Variants in CHN1 observed in about 807,000 individuals in gnomAD.
The protein encoded by CHN1 is chimerin 1.
A neutral mutation model predicts 59.5 loss-of-function variants in CHN1; 37 were observed. The ratio of observed to expected loss-of-function variants is 0.62; its 90% CI spans 0.48 to 0.82. The LOEUF (loss-of-function observed/expected upper bound fraction) is 0.82. Ranked by LOEUF, CHN1 falls within the 40% of genes least tolerant of loss-of-function variation. The pLI, the probability that CHN1 is intolerant of heterozygous loss-of-function variation, is 0.00. For missense variants in CHN1, 469 were observed against 571.0 expected (o/e 0.82, Z 1.82); for synonymous variants, 206 against 200.4 (o/e 1.03, Z -0.24).
intron 3 of CHN1, among the ~76,000 whole-genome samples, chr2:174,937,522 A>G (rs1689533794): frequency 6.6e-6 from 1 of 152,180 alleles, no homozygotes; most frequent in Non-Finnish European, 1.5e-5. Context: ...CACCTTATCA[A>G]TTGTATTAAC....
chr2:174,952,908 A>G (rs775960143), intron 1 of CHN1, among the ~76,000 whole-genome samples: 32 of 152,314 alleles, frequency 2.1e-4, no homozygotes, highest in Non-Finnish European at 3.8e-4. Context: ...CAAACACATG[A>G]CGGACGTGGA....
intron 1 of CHN1, among the ~76,000 whole-genome samples, chr2:174,996,320 A>G (rs1691706053): frequency 6.6e-6 from 1 of 152,220 alleles, no homozygotes; most frequent in Non-Finnish European, 1.5e-5. Flanking sequence ...CCACACACAC[A>G]AAGTAGAAAT....
At chr2:174,965,923 A>T (rs1218428315) in intron 1 of CHN1, among the ~76,000 whole-genome samples, 1 of 152,230 alleles carries the variant, frequency 6.6e-6, no homozygotes, top group Non-Finnish European at 1.5e-5. Flanking sequence ...TATGTGAAAG[A>T]GTCACAAAGA....
intron 11 of CHN1, among the ~76,000 whole-genome samples, chr2:174,802,812 G>A (rs770325713): frequency 3.1e-4 from 47 of 152,270 alleles, no homozygotes; most frequent in Non-Finnish European, 5.4e-4. Context: ...GGCCGAGGGG[G>A]GTGGGTCATG....
chr2:174,991,071 G>A (rs1450507316), intron 1 of CHN1, among the ~76,000 whole-genome samples: 1 of 152,158 alleles, frequency 6.6e-6, no homozygotes, highest in Non-Finnish European at 1.5e-5. Flanking sequence ...ATTCCATTCT[G>A]TAAAACAATC....
Position 174,967,803 on chromosome 2 carries a change from C to T in CHN1, c.20-15601G>A, listed in dbSNP as rs115759362. 3.7e-3 allele frequency among the ~76,000 whole-genome samples: 568 copies of T among 152,254 alleles called. 4 individuals carry two copies. Among genetic ancestry groups the T allele is most frequent in the African/African-American group, 0.013 (544 of 41,562 alleles). ...AAGAAAAATTGCAAATGATGTTTTT[C>T]TTCTTGCTATTATTCATTCTTTGGC... On this transcript the variant is annotated intron_variant, in intron 1 of 12. Transcript: ENST00000409900.
chr2:174,915,249 A>G (rs1688813588), intron 4 of CHN1, 78 bp from the exon 5 acceptor site: 8 of 1,034,736 alleles, frequency 7.7e-6, no homozygotes, highest in Non-Finnish European at 1.2e-5. Flanking sequence ...TCCCACCACC[A>G]CCACCTTCTC....
intron 4 of CHN1, 48 bp from the exon 5 acceptor site, chr2:174,915,219 T>A (rs1688812737): frequency 2.2e-6 from 3 of 1,335,974 alleles, no homozygotes; most frequent in Non-Finnish European, 3.2e-6. Flanking sequence ...CATTTTTCAA[T>A]AAAACAAGAT....
chr2:174,979,125 GA>G (rs1390247129), intron 1 of CHN1, among the ~76,000 whole-genome samples: 1 of 152,204 alleles, frequency 6.6e-6, no homozygotes, highest in Non-Finnish European at 1.5e-5. Flanking sequence ...ATGGATACCA[GA>G]AGGATAGCCA....
chr2:174,816,804 T>A (rs185474675), intron 8 of CHN1, among the ~76,000 whole-genome samples: 4 of 152,198 alleles, frequency 2.6e-5, no homozygotes, highest in African/African-American at 9.6e-5. Context: ...AGAACTCTTA[T>A]AACAACGTTT....
chr2:174,923,233 T>C (rs377405128), intron 3 of CHN1, among the ~76,000 whole-genome samples: 11 of 152,134 alleles, frequency 7.2e-5, no homozygotes, highest in African/African-American at 1.4e-4. Context: ...CTCCGCCTCC[T>C]GGGTTCACGC....
At chr2:174,982,338 G>C (rs530214276) in intron 1 of CHN1, among the ~76,000 whole-genome samples, 10 of 152,236 alleles carry the variant, frequency 6.6e-5, no homozygotes, top group Non-Finnish European at 1.5e-4. Flanking sequence ...GGGTCAAATG[G>C]TATTTCTAGT....
chr2:174,806,673 C>T (rs377262010), intron 11 of CHN1, among the ~76,000 whole-genome samples: 7 of 152,302 alleles, frequency 4.6e-5, no homozygotes, highest in African/African-American at 1.4e-4. Flanking sequence ...TACTCCATCA[C>T]ATCTCCTTTC....
At chr2:174,971,687 T>C (rs1268433149) in intron 1 of CHN1, among the ~76,000 whole-genome samples, 1 of 152,182 alleles carries the variant, frequency 6.6e-6, no homozygotes, top group East Asian at 1.9e-4. Context: ...AAACAAGTAA[T>C]TGAGAGGGAT....
At chr2:174,910,768 C>T (rs1019834942) in intron 5 of CHN1, among the ~76,000 whole-genome samples, 20 of 151,908 alleles carry the variant, frequency 1.3e-4, no homozygotes, top group African/African-American at 4.3e-4. Flanking sequence ...GGCGCAGTGG[C>T]GGGCGCCTGT....
chr2:174,914,842 CAA>C (rs577375465), intron 5 of CHN1, among the ~76,000 whole-genome samples: 17 of 100,038 alleles, frequency 1.7e-4, no homozygotes, highest in African/African-American at 2.2e-4. Context: ...AGATTCCATT[CAA>C]AAAAAAAAAA....
chr2:174,814,735 GT>G (rs1234614920), intron 8 of CHN1, among the ~76,000 whole-genome samples: 2 of 152,146 alleles, frequency 1.3e-5, no homozygotes, highest in Non-Finnish European at 2.9e-5. Context: ...CCTCAAGGTT[GT>G]CAATCAGCTT....
chr2:174,931,611 G>T (rs978368996), intron 3 of CHN1, among the ~76,000 whole-genome samples: 1 of 152,152 alleles, frequency 6.6e-6, no homozygotes, highest in Admixed American at 6.5e-5. Context: ...TTCTATTCTA[G>T]TAAGGGAAAA....
At chr2:174,854,028 C>T (rs925679130) in intron 6 of CHN1, among the ~76,000 whole-genome samples, 8 of 152,058 alleles carry the variant, frequency 5.3e-5, no homozygotes, top group Non-Finnish European at 8.8e-5. Flanking sequence ...CACAAACCTG[C>T]ACATGTACGC....
Sources: gnomAD v4.1 joint callset for allele counts (sites outside exome capture counted in the v4.1 genomes callset) on GRCh38, gnomAD v4.1.1 for gene constraint, MANE v1.5 for transcripts, NCBI Gene and HGNC (gene_info 2026-07-23, HGNC 2026-07-21) for gene names.